The following RAD51B variants were observed in gnomAD, a reference collection of about 807,000 sequenced individuals.
The protein encoded by RAD51B is DNA repair protein RAD51 homolog 2.
RAD51B carries 38 observed loss-of-function variants against 42.2 expected under a neutral mutation model. That is an observed-to-expected ratio of 0.90 (90% CI 0.70 to 1.18). RAD51B has a LOEUF of 1.18. RAD51B is among the 50% of genes most tolerant of loss of function. The pLI, the probability that RAD51B is intolerant of heterozygous loss-of-function variation, is 0.00. For missense variants in RAD51B, 373 were observed against 400.7 expected (o/e 0.93, Z 0.59); for synonymous variants, 154 against 145.2 (o/e 1.06, Z -0.43).
intron 10 of RAD51B, among the ~76,000 whole-genome samples, chr14:68,525,449 T>C (rs74685601): frequency 0.038 from 5,796 of 152,314 alleles, 117 homozygotes; most frequent in African/African-American, 0.052. Context: ...CCTCAGGTCA[T>C]AGGACCTGGA....
At chr14:68,080,096 T>C (rs1324797139) in intron 7 of RAD51B, among the ~76,000 whole-genome samples, 2 of 152,222 alleles carry the variant, frequency 1.3e-5, no homozygotes, top group African/African-American at 4.8e-5. Flanking sequence ...CACTTAGCCT[T>C]AGTGTTCTTA....
intron 7 of RAD51B, among the ~76,000 whole-genome samples, chr14:68,064,090 T>G (rs908102377): frequency 6.6e-6 from 1 of 152,238 alleles, no homozygotes. Flanking sequence ...TTATCATTCT[T>G]TTGCTTACAG....
chr14:67,960,984 G>A (rs1283346921), intron 7 of RAD51B, among the ~76,000 whole-genome samples: 1 of 151,982 alleles, frequency 6.6e-6, no homozygotes, highest in Non-Finnish European at 1.5e-5. Context: ...AATTTCCTAA[G>A]TTATTATTTG....
chr14:68,005,894 A>T (rs1045649874), intron 7 of RAD51B, among the ~76,000 whole-genome samples: 1 of 152,176 alleles, frequency 6.6e-6, no homozygotes, highest in African/African-American at 2.4e-5. Context: ...CAAAAGACAA[A>T]GGGGAAGCAG....
chr14:68,263,338 T>C (rs2080925085), intron 7 of RAD51B, among the ~76,000 whole-genome samples: 1 of 152,232 alleles, frequency 6.6e-6, no homozygotes, highest in Non-Finnish European at 1.5e-5. Context: ...AAGCAGAATT[T>C]CTTGTTTTAT....
chr14:68,189,826 C>T (rs924765220), intron 7 of RAD51B, among the ~76,000 whole-genome samples: 12 of 151,962 alleles, frequency 7.9e-5, no homozygotes, highest in South Asian at 4.1e-4. Flanking sequence ...CCACCATGCC[C>T]GACTAATTTT....
chr14:68,163,120 CA>C (rs2078677513), intron 7 of RAD51B, among the ~76,000 whole-genome samples: 1 of 152,164 alleles, frequency 6.6e-6, no homozygotes, highest in Admixed American at 6.5e-5. Flanking sequence ...AGTCAAACCA[CA>C]GATAATATTC....
intron 9 of RAD51B, among the ~76,000 whole-genome samples, chr14:68,429,224 T>C (rs1479451485): frequency 6.6e-6 from 1 of 152,180 alleles, no homozygotes; most frequent in Non-Finnish European, 1.5e-5. Flanking sequence ...TACGTGTACA[T>C]GTGTCTTTAT....
chr14:68,677,866 G>T (rs778780370), intron 11 of RAD51B, among the ~76,000 whole-genome samples: 1 of 152,098 alleles, frequency 6.6e-6, no homozygotes, highest in African/African-American at 2.4e-5. Flanking sequence ...GATGCCATCC[G>T]AGTACACAGA....
chr14:68,452,155 C>T (rs1297224575), intron 9 of RAD51B, among the ~76,000 whole-genome samples: 1 of 152,154 alleles, frequency 6.6e-6, no homozygotes, highest in Non-Finnish European at 1.5e-5. Flanking sequence ...TTAGCATTAA[C>T]AGCTGGACAG....
intron 10 of RAD51B, among the ~76,000 whole-genome samples, chr14:68,535,132 ATGGT>A (rs1306614253): frequency 6.6e-6 from 1 of 152,046 alleles, no homozygotes; most frequent in Non-Finnish European, 1.5e-5. Flanking sequence ...TCACCTTTTC[ATGGT>A]TGGTGGATGT....
At chr14:68,182,043 T>C (rs1205622616) in intron 7 of RAD51B, among the ~76,000 whole-genome samples, 1 of 152,206 alleles carries the variant, frequency 6.6e-6, no homozygotes, top group Non-Finnish European at 1.5e-5. Flanking sequence ...ATGAGGTGTT[T>C]TGCCATGAGA....
intron 7 of RAD51B, among the ~76,000 whole-genome samples, chr14:68,106,178 T>C (rs1260667455): frequency 6.6e-6 from 1 of 151,906 alleles, no homozygotes; most frequent in Admixed American, 6.6e-5. Context: ...TTTACAAATA[T>C]TTGTATTAGG....
chr14:68,365,172 G>A (rs1473113988), intron 8 of RAD51B, among the ~76,000 whole-genome samples: 1 of 152,210 alleles, frequency 6.6e-6, no homozygotes, highest in Non-Finnish European at 1.5e-5. Flanking sequence ...GGGCCACCTC[G>A]GAATAGATCA....
rs562212887 is a variant in RAD51B, at chr14:68,637,481, G to A, written c.1037-13300G>A. On this transcript the variant is annotated intron_variant, in intron 10 of 11. Transcript: ENST00000488612. ...GAGCTTAGAAACAGCCAGAGGATGA[G>A]AACAAGCTGGTAGGAGAGGCAGAGC... Among the ~76,000 whole-genome samples the A allele has an allele frequency of 5.9e-5, 9 of 152,382 alleles. No individual in the cohort carries two copies. The East Asian group carries it at 1.7e-3, about 29-fold the overall frequency.
intron 10 of RAD51B, among the ~76,000 whole-genome samples, chr14:68,579,720 G>A (rs1890126142): frequency 6.6e-6 from 1 of 152,190 alleles, no homozygotes; most frequent in African/African-American, 2.4e-5. Flanking sequence ...TGAGCCTGGT[G>A]CGTGGGGCAT....
At chr14:68,254,342 C>T (rs1470186801) in intron 7 of RAD51B, among the ~76,000 whole-genome samples, 2 of 152,184 alleles carry the variant, frequency 1.3e-5, no homozygotes, top group Non-Finnish European at 2.9e-5. Flanking sequence ...CCCCTCTCCC[C>T]CAACCCTCCA....
intron 5 of RAD51B, among the ~76,000 whole-genome samples, chr14:67,880,079 G>T (rs1361687387): frequency 6.6e-6 from 1 of 152,112 alleles, no homozygotes; most frequent in East Asian, 1.9e-4. Context: ...AGTTCTAAAT[G>T]TTGACACATT....
intron 7 of RAD51B, among the ~76,000 whole-genome samples, chr14:68,163,177 A>C (rs2086115079): frequency 6.6e-6 from 1 of 152,250 alleles, no homozygotes; most frequent in African/African-American, 2.4e-5. Flanking sequence ...GATGGATTTC[A>C]TATAAGAAAT....
Sources: gnomAD v4.1 joint callset for allele counts (sites outside exome capture counted in the v4.1 genomes callset) on GRCh38, gnomAD v4.1.1 for gene constraint, MANE v1.5 for transcripts, NCBI Gene and HGNC (gene_info 2026-07-23, HGNC 2026-07-21) for gene names.